The following NBPF20 variants were observed in gnomAD, a reference collection of about 807,000 sequenced individuals.
NBPF20 encodes the protein NBPF member 20.
A neutral mutation model predicts 68.1 loss-of-function variants in NBPF20; 90 were observed. The ratio of observed to expected loss-of-function variants is 1.32; its 90% CI spans 1.11 to 1.58. NBPF20 has a LOEUF of 1.58. NBPF20 is among the 40% of genes most tolerant of loss of function. The pLI, the probability that NBPF20 is intolerant of heterozygous loss-of-function variation, is 0.00. For synonymous variants in NBPF20, 290 were observed against 228.1 expected, an observed-to-expected ratio of 1.27 and a Z score of -2.45; for missense variants, 816 against 601.2, an observed-to-expected ratio of 1.36 and a Z score of -3.74.
the NBPF20 span, among the ~76,000 whole-genome samples, chr1:145,421,249 T>C: frequency 1.3e-5 from 2 of 152,238 alleles, no homozygotes; most frequent in Non-Finnish European, 1.5e-5. Context: ...TTAATGCTTC[T>C]TTGGAATCGC....
intron 3 of NBPF20, among the ~76,000 whole-genome samples, 169 bp downstream of exon 8, chr1:145,403,047 T>A (rs1571374583): frequency 6.6e-6 from 1 of 152,086 alleles, no homozygotes; most frequent in African/African-American, 2.4e-5. Flanking sequence ...CCCATACATT[T>A]TTATTATCCT....
chr1:145,405,980 G>T (rs1229284339), upstream of NBPF20, among the ~76,000 whole-genome samples: 1 of 149,480 alleles, frequency 6.7e-6, no homozygotes, highest in Admixed American at 6.6e-5. Context: ...GTGCAGTGAC[G>T]CGATCTAGGC....
chr1:145,405,281 T>C (rs1553666904), exon 2 of NBPF20: 2 of 1,606,648 alleles, frequency 1.2e-6, no homozygotes, highest in African/African-American at 2.7e-5. Flanking sequence ...ATGCTGACGT[T>C]TGTGGCAGAA....
chr1:145,291,449 T>A lies in NBPF20; in HGVS notation c.*77A>T, dbSNP rs1226447362. 4 of 1,611,854 alleles carry A rather than the reference T, an allele frequency of 2.5e-6. No homozygotes were observed. In the South Asian group the frequency reaches 3.3e-5, roughly 13 times the overall value. On this transcript the variant is annotated 3_prime_UTR_variant, in exon 138 of 138. Transcript: ENST00000369373. ...CTATGTCTGGGCTTCCAAATGGAAC[T>A]GTACTTTCATTCAAATCTTCACGTG... is the stretch of plus-strand genomic sequence containing the variant.
chr1:145,394,148 G>C (rs1441998202), intron 8 of NBPF20, among the ~76,000 whole-genome samples: 1 of 152,082 alleles, frequency 6.6e-6, no homozygotes, highest in Non-Finnish European at 1.5e-5. Flanking sequence ...CCCTGTGTTG[G>C]AATGTTATCT....
intron 43 of NBPF20, among the ~76,000 whole-genome samples, 153 bp from the exon 49 acceptor site, chr1:145,366,505 C>A (rs1282980491): frequency 6.9e-5 from 5 of 72,292 alleles, no homozygotes; most frequent in Admixed American, 1.6e-4. Flanking sequence ...CATGTTGGGA[C>A]AGAACAGGGC....
the NBPF20 span, among the ~76,000 whole-genome samples, chr1:145,416,090 C>T: frequency 1.3e-5 from 2 of 150,914 alleles, no homozygotes; most frequent in South Asian, 4.2e-4. Context: ...GAGATGGCGC[C>T]GTTGCATTTG....
exon 8 of NBPF20, chr1:145,395,022 T>C (rs1365163630): frequency 2.4e-5 from 38 of 1,611,476 alleles, no homozygotes; most frequent in African/African-American, 6.7e-5. Flanking sequence ...CTCTAATGAG[T>C]GAAATGTGCT....
intron 8 of NBPF20, among the ~76,000 whole-genome samples, chr1:145,394,418 A>C (rs1490886624): frequency 6.6e-6 from 1 of 152,092 alleles, no homozygotes; most frequent in Non-Finnish European, 1.5e-5. Context: ...GTGGGTGAAA[A>C]GTCAGCCATT....
chr1:145,408,559 C>T (rs1403366212), upstream of NBPF20, among the ~76,000 whole-genome samples: 1 of 151,690 alleles, frequency 6.6e-6, no homozygotes, highest in Non-Finnish European at 1.5e-5. Context: ...CAGAGTAAGT[C>T]CTCCAACTTA....
intron 75 of NBPF20, 33 bp downstream of exon 80, chr1:145,341,531 C>G (rs1661618952): frequency 0.018 from 57 of 3,246 alleles, no homozygotes; most frequent in African/African-American, 0.043. Flanking sequence ...GGTGTTAACA[C>G]AGAATTAAGC....
intron 5 of NBPF20, among the ~76,000 whole-genome samples, 171 bp downstream of exon 10, chr1:145,400,888 C>T (rs1553665188): frequency 5.3e-5 from 8 of 152,036 alleles, no homozygotes; most frequent in African/African-American, 9.7e-5. Context: ...TCGGCACACA[C>T]AGAGAAACAT....
chr1:145,292,501 T>C lies in NBPF20; in HGVS notation c.16589-12A>G. 1 of 706,902 alleles carries C rather than the reference T, an allele frequency of 1.4e-6. No homozygotes were observed. Among genetic ancestry groups the C allele is most frequent in the Non-Finnish European group, 2.5e-6 (1 of 397,760 alleles). The allele number at this position is 706,902 out of a possible 1,614,324, so 43.8% of individuals were successfully genotyped here. Reference sequence around the variant, plus strand: ...CTTCTTTTCAATTTCTGCAATAAATTCAGACATGGACAGACACATTAAGCT... The same window carrying C: ...CTTCTTTTCAATTTCTGCAATAAATCCAGACATGGACAGACACATTAAGCT... On this transcript the variant is annotated splice_polypyrimidine_tract_variant and intron_variant, in intron 136 of 137. Transcript: ENST00000369373.
chr1:145,408,570 T>C (rs1415716541), upstream of NBPF20, among the ~76,000 whole-genome samples: 43 of 151,848 alleles, frequency 2.8e-4, no homozygotes, highest in Non-Finnish European at 4.9e-4. Flanking sequence ...CTCCAACTTA[T>C]TGCTTCTTCA....
At chr1:145,419,214 G>GGGAGAGAAGTAGGGAA in the NBPF20 span, among the ~76,000 whole-genome samples, 1 of 150,888 alleles carries the variant, frequency 6.6e-6, no homozygotes, top group Admixed American at 6.6e-5. Context: ...GAAAAAGAGT[G>GGGAGAGAAGTAGGGAA]GGAGAGAAGT....
Position 145,291,727 on chromosome 1 carries a change from T to A in NBPF20, c.16740A>T (p.Leu5580Phe), listed in dbSNP as rs782645847. Residue 5580 changes from leucine (L) to phenylalanine (F), a missense_variant, in exon 138 of 138, where the codon TTA becomes TTT. Physicochemically the swap from Leu to Phe is conservative, Grantham distance 22 (BLOSUM62 0). Coordinates refer to ENST00000369373, the Ensembl canonical transcript of NBPF20. ...AATAACATCCATCCAGTGAGTCCTGTAAGACTTCAGGCTCTTCCACTTCCA... is the reference window on the plus strand; with the variant it reads ...AATAACATCCATCCAGTGAGTCCTGAAAGACTTCAGGCTCTTCCACTTCCA... The A allele has an allele frequency of 1.1e-5, 17 of 1,611,804 alleles. No individual in the cohort carries two copies. In the African/African-American group the frequency reaches 1.2e-4, roughly 11 times the overall value.
intron 9 of NBPF20, 94 bp downstream of exon 14, chr1:145,393,790 C>G (rs1278452850): frequency 2.2e-5 from 30 of 1,359,816 alleles, no homozygotes; most frequent in Admixed American, 6.7e-5. Flanking sequence ...TCTGACAAGA[C>G]AAAATCATTA....
At chr1:145,419,051 TGGAGGGAGGGAAGGAAGGAGGAAG>T in the NBPF20 span, among the ~76,000 whole-genome samples, 2 of 125,466 alleles carry the variant, frequency 1.6e-5, no homozygotes, top group African/African-American at 6.0e-5. Flanking sequence ...AAGGAAAGAA[TGGAGGGAGGGAAGGAAGGAGGAAG>T]GGAGGGAGGA....
At chr1:145,410,690 A>C in the NBPF20 span, among the ~76,000 whole-genome samples, 1 of 53,680 alleles carries the variant, frequency 1.9e-5, no homozygotes, top group Non-Finnish European at 3.0e-5. Flanking sequence ...TCAGACTGCA[A>C]TATATATATA....
Sources: gnomAD v4.1 joint callset for allele counts (sites outside exome capture counted in the v4.1 genomes callset) on GRCh38, gnomAD v4.1.1 for gene constraint, MANE v1.5 for transcripts, NCBI Gene and HGNC (gene_info 2026-07-23, HGNC 2026-07-21) for gene names.